IQGAP1: variants seen among roughly 807,000 people sequenced by gnomAD.
IQGAP1 encodes IQ motif containing GTPase activating protein 1, also known as ras GTPase-activating-like protein IQGAP1.
In IQGAP1, 66 loss-of-function variants were observed where a neutral mutation model predicts 215.6. That is an observed-to-expected ratio of 0.31 (90% CI 0.25 to 0.38). The LOEUF is 0.38. Ranked by LOEUF, IQGAP1 falls within the 10% of genes least tolerant of loss-of-function variation. IQGAP1 has a pLI of 1.00. For missense variants in IQGAP1, 1,712 were observed against 1,997.1 expected (o/e 0.86, Z 2.72); for synonymous variants, 772 against 728.7 (o/e 1.06, Z -0.96).
chr15:90,422,845 G>GCCA (rs1173787923), intron 2 of IQGAP1, among the ~76,000 whole-genome samples: 1 of 151,526 alleles, frequency 6.6e-6, no homozygotes, highest in East Asian at 1.9e-4. Flanking sequence ...ACAGGCATGT[G>GCCA]CCACCACGCC....
At chr15:90,395,946 C>T (rs1239074523) in intron 2 of IQGAP1, among the ~76,000 whole-genome samples, 2 of 152,118 alleles carry the variant, frequency 1.3e-5, no homozygotes, top group Non-Finnish European at 2.9e-5. Context: ...TCATGGGCCA[C>T]CTTTCTGCTG....
rs1411721599 is a variant in IQGAP1, at chr15:90,482,085, CTG to C, written c.3458_3459del (p.Val1153GlyfsTer20). 6.2e-7 allele frequency: 1 copy of C among 1,614,246 alleles called. No homozygotes were observed. The highest frequency in any genetic ancestry group is 8.5e-7 in the Non-Finnish European group (1 of 1,180,046). Reference sequence around the variant, plus strand: ...AAGTTTCTCTCAGCCATTGTCAGCTCTGTGGACAAAATCCCGTGAGTGCCATC... The same window carrying C: ...AAGTTTCTCTCAGCCATTGTCAGCTCTGGACAAAATCCCGTGAGTGCCATC... On this transcript the variant is annotated frameshift_variant, in exon 27 of 38. Coordinates refer to ENST00000268182, the MANE Select transcript of IQGAP1 (RefSeq NM_003870.4). LOFTEE classifies it high-confidence loss of function.
At position 90,443,455 on chromosome 15, in the gene IQGAP1, A is replaced by C; in HGVS notation, c.890A>C (p.Gln297Pro). 1 of 1,610,402 alleles carries C rather than the reference A, an allele frequency of 6.2e-7. No individual in the cohort carries two copies. The change falls in exon 9 of 38, where the codon CAA becomes CCA. Residue 297 changes from glutamine to proline, a missense_variant. This residue lies in a region of IQGAP1 where 1,021 missense variants were observed against 1,074.2 expected (regional missense o/e 0.95). Transcript: ENST00000268182. ...YEELLTQAEI[Q>P]GNINKVNTFS... ...GAGCTGCTCACGCAAGCTGAAATTCAAGGCAATATAAACAAAGTCAATAGT... is the reference window on the plus strand; with the variant it reads ...GAGCTGCTCACGCAAGCTGAAATTCCAGGCAATATAAACAAAGTCAATAGT...
intron 30 of IQGAP1, among the ~76,000 whole-genome samples, chr15:90,484,649 C>T (rs1169125107): frequency 6.6e-6 from 1 of 152,102 alleles, no homozygotes; most frequent in Non-Finnish European, 1.5e-5. Flanking sequence ...GCTGGGACTA[C>T]AGGCACCCGC....
chr15:90,446,180 G>T (rs1415409527), intron 9 of IQGAP1, among the ~76,000 whole-genome samples: 1 of 151,896 alleles, frequency 6.6e-6, no homozygotes, highest in Non-Finnish European at 1.5e-5. Context: ...AATATTTTTT[G>T]TTTTACTGAG....
chr15:90,441,468 G>T, intron 7 of IQGAP1, 38 bp from the exon 8 acceptor site: 1 of 1,544,172 alleles, frequency 6.5e-7, no homozygotes, highest in Non-Finnish European at 8.9e-7. Flanking sequence ...TATAATCTCA[G>T]TGTTTTTGTT....
intron 12 of IQGAP1, 85 bp from the exon 13 acceptor site, chr15:90,453,047 C>T: frequency 6.4e-7 from 1 of 1,553,660 alleles, no homozygotes; most frequent in South Asian, 1.2e-5. Context: ...ACTTGGTTTT[C>T]TTACAGTTTT....
intron 2 of IQGAP1, among the ~76,000 whole-genome samples, chr15:90,412,366 C>T (rs771486216): frequency 9.2e-5 from 14 of 152,138 alleles, no homozygotes; most frequent in Non-Finnish European, 1.6e-4. Flanking sequence ...TCTTTAGTGT[C>T]TCCTCACTTC....
chr15:90,422,150 T>C (rs1965146141), intron 2 of IQGAP1, among the ~76,000 whole-genome samples: 1 of 152,166 alleles, frequency 6.6e-6, no homozygotes. Flanking sequence ...CCCTTTTGGC[T>C]TTTCAGGTGA....
intron 18 of IQGAP1, among the ~76,000 whole-genome samples, chr15:90,468,398 T>C (rs1965860797): frequency 6.6e-6 from 1 of 152,218 alleles, no homozygotes; most frequent in African/African-American, 2.4e-5. Flanking sequence ...ACCTCAAATG[T>C]AGCAGGTACT....
chr15:90,429,719 C>A, intron 4 of IQGAP1, 53 bp downstream of exon 4: 2 of 1,166,274 alleles, frequency 1.7e-6, no homozygotes, highest in Non-Finnish European at 2.5e-6. Context: ...TGTGGCATAA[C>A]CCTCAAACAA....
At chr15:90,457,736 C>T (rs764516110) in intron 15 of IQGAP1, among the ~76,000 whole-genome samples, 17 of 152,046 alleles carry the variant, frequency 1.1e-4, no homozygotes, top group Non-Finnish European at 2.4e-4. Flanking sequence ...AGCCACTGCC[C>T]ATGGCCTGTA....
intron 16 of IQGAP1, 53 bp downstream of exon 16, chr15:90,466,144 G>T: frequency 6.3e-7 from 1 of 1,582,720 alleles, no homozygotes; most frequent in Non-Finnish European, 8.7e-7. Flanking sequence ...GTGACAAGGT[G>T]CTCCGTACAG....
chr15:90,454,405 T>C (rs1965649902), intron 13 of IQGAP1, 23 bp from the exon 14 acceptor site: 1 of 1,613,060 alleles, frequency 6.2e-7, no homozygotes, highest in Non-Finnish European at 8.5e-7. Flanking sequence ...TTAATGCTCT[T>C]TTTACTTGGG....
At chr15:90,468,247 T>A (rs1965858859) in intron 18 of IQGAP1, among the ~76,000 whole-genome samples, 1 of 152,214 alleles carries the variant, frequency 6.6e-6, no homozygotes, top group Admixed American at 6.5e-5. Flanking sequence ...GTAATTTTAG[T>A]AGAGACGAGG....
At position 90,477,818 on chromosome 15, in the gene IQGAP1, C is replaced by T. The variant is rs1966002045; in HGVS notation, c.3258C>T (p.Asn1086=). 6.2e-7 allele frequency: 1 copy of T among 1,613,832 alleles called. No homozygotes were observed. The highest frequency in any genetic ancestry group is 1.7e-5 in the Admixed American group (1 of 59,964). ...AAATTATGGATGACAAATCTCTCAA[C>T]ATCAAAACTGACCCTGTGGATATTT... ...VKEIMDDKSL[N]IKTDPVDIYK... is the part of the protein sequence containing the mutation. Residue 1086 remains asparagine, a synonymous_variant, in exon 26 of 38, where the codon AAC becomes AAT. Transcript: ENST00000268182.
At position 90,473,926 on chromosome 15, in the gene IQGAP1, C is replaced by G. The variant is rs1219291896; in HGVS notation, c.2464C>G (p.Arg822Gly). 1 of 1,613,964 alleles carries G rather than the reference C, an allele frequency of 6.2e-7. No individual in the cohort carries two copies. The highest frequency in any genetic ancestry group is 1.6e-4 in the Middle Eastern group (1 of 6,062). The part of the protein sequence containing the change: ...IQSLARMHQA[R>G]KRYRDRLQYF... ...GTCCCTGGCAAGGATGCACCAAGCT[C>G]GAAAGCGCTATCGAGATCGCCTGCA... The change falls in exon 21 of 38, where the codon CGA (arginine) becomes GGA (glycine). Residue 822 changes from arginine (R) to glycine (G), a missense_variant. Arg to Gly is a moderately radical substitution (Grantham distance 125). This residue lies in a region of IQGAP1 where 1,021 missense variants were observed against 1,074.2 expected (regional missense o/e 0.95). Transcript: ENST00000268182.
chr15:90,482,428 G>A (rs886097187), intron 28 of IQGAP1, 147 bp downstream of exon 28: 19 of 726,018 alleles, frequency 2.6e-5, no homozygotes, highest in Non-Finnish European at 3.5e-5. Context: ...AATTGTAATT[G>A]GTAAATGGTA....
chr15:90,494,543 A>G (rs948223869), intron 35 of IQGAP1, 170 bp from the exon 36 acceptor site: 3 of 440,766 alleles, frequency 6.8e-6, no homozygotes, highest in Non-Finnish European at 1.2e-5. Flanking sequence ...CCTGTTTTGC[A>G]GAGATATTGC....
Sources: allele counts gnomAD v4.1 joint callset (sites outside exome capture counted in the v4.1 genomes callset), GRCh38; gene constraint gnomAD v4.1.1; regional missense constraint gnomAD v4.1.1; transcripts MANE v1.5; gene names NCBI Gene and HGNC (gene_info 2026-07-23, HGNC 2026-07-21).